The following SULF2 variants were observed in gnomAD, a reference collection of about 807,000 sequenced individuals.
SULF2 encodes the protein sulfatase 2.
SULF2 carries 52 observed loss-of-function variants against 107.7 expected under a neutral mutation model. The observed-to-expected ratio is 0.48, with a 90% CI of 0.39 to 0.61. The LOEUF (loss-of-function observed/expected upper bound fraction) is 0.61, where lower values mean the gene tolerates loss of function less well. SULF2 is among the 20% of genes least tolerant of loss of function. SULF2 has a pLI of 0.00. For missense variants in SULF2, 993 were observed against 1,177.3 expected (o/e 0.84, Z 2.29); for synonymous variants, 460 against 464.3 (o/e 0.99, Z 0.12).
chr20:47,737,895 C>T (rs1463588822), intron 2 of SULF2, among the ~76,000 whole-genome samples: 1 of 151,432 alleles, frequency 6.6e-6, no homozygotes, highest in Non-Finnish European at 1.5e-5. Flanking sequence ...CCCAAGTAGC[C>T]CCTATACGCA....
chr20:47,674,338 G>A (rs571621186), intron 10 of SULF2, among the ~76,000 whole-genome samples: 15 of 152,312 alleles, frequency 9.8e-5, no homozygotes, highest in South Asian at 2.1e-4. Flanking sequence ...CGAAGGTCCC[G>A]CAGCCCAACT....
intron 7 of SULF2, among the ~76,000 whole-genome samples, chr20:47,681,148 G>C (rs1290386287): frequency 6.6e-6 from 1 of 152,228 alleles, no homozygotes; most frequent in Admixed American, 6.5e-5. Flanking sequence ...CGGCGGAAGT[G>C]GGACTGAGAG....
chr20:47,693,635 T>C (rs779663732), intron 4 of SULF2, among the ~76,000 whole-genome samples: 7 of 152,208 alleles, frequency 4.6e-5, no homozygotes, highest in Non-Finnish European at 8.8e-5. Flanking sequence ...TGATATGATA[T>C]CATTTATAAA....
chr20:47,732,084 A>C (rs2089626891), intron 3 of SULF2, among the ~76,000 whole-genome samples: 1 of 152,140 alleles, frequency 6.6e-6, no homozygotes. Context: ...AAAATTGAGA[A>C]GGGATCTCAC....
At chr20:47,684,376 GC>G in intron 6 of SULF2, 54 bp downstream of exon 6, 1 of 1,536,156 alleles carries the variant, frequency 6.5e-7, no homozygotes, top group Non-Finnish European at 8.7e-7. Flanking sequence ...CTCGGCCCTG[GC>G]CTGGCTGGGG....
At chr20:47,675,302 T>A (rs186683268) in intron 10 of SULF2, among the ~76,000 whole-genome samples, 112 of 152,122 alleles carry the variant, frequency 7.4e-4, no homozygotes, top group African/African-American at 2.6e-3. Flanking sequence ...GGAGCTTCTG[T>A]TGAGCATGTT....
chr20:47,698,892 G>A (rs560301152), intron 4 of SULF2, among the ~76,000 whole-genome samples: 3 of 152,208 alleles, frequency 2.0e-5, no homozygotes, highest in South Asian at 2.1e-4. Context: ...TTAGCTGGGC[G>A]TGGTGGTGCA....
Position 47,683,143 on chromosome 20 carries a change from G to T in SULF2, c.915C>A (p.Gly305=), listed in dbSNP as rs371018955. The change falls in exon 7 of 21, where the codon GGC becomes GGA. Residue 305 remains glycine, a synonymous_variant. Coordinates refer to ENST00000688720, the MANE Select transcript of SULF2 (RefSeq NM_001387048.1). ...ETIYNMLVET[G]ELDNTYIVYT... is the part of the protein sequence containing the mutation. ...ATACGATGTACGTGTTGTCCAGCTC[G>T]CCCGTCTCAACCAGCATGTTGTAAA... 1.2e-6 allele frequency: 2 copies of T among 1,607,628 alleles called. No individual in the cohort carries two copies. The highest frequency in any genetic ancestry group is 1.7e-6 in the Non-Finnish European group (2 of 1,175,378).
rs765222939 is a variant in SULF2, at chr20:47,684,562, C to T, written c.757G>A (p.Ala253Thr). The T allele has an allele frequency of 5.0e-6, 8 of 1,613,906 alleles. No individual in the cohort carries two copies. Among genetic ancestry groups the T allele is most frequent in the South Asian group, 2.2e-5 (2 of 91,066 alleles). ...ATCCAGTGTTTGTCCGGGTTGGGCG[C>T]GTAGTTGTAGCTCGGCGTGCTGGTG... ...SQHITPSYNY[A>T]PNPDKHWIMR... The change falls in exon 6 of 21, where the codon GCG (alanine) becomes ACG (threonine). Residue 253 changes from alanine (A) to threonine (T), a missense_variant. Around this residue, in one of 3 missense-constraint regions of SULF2, gnomAD observed 388 missense variants for 449.2 expected, o/e 0.86. Coordinates refer to ENST00000688720, the MANE Select transcript of SULF2 (RefSeq NM_001387048.1).
intron 4 of SULF2, among the ~76,000 whole-genome samples, chr20:47,692,085 A>G (rs765372416): frequency 2.6e-5 from 4 of 152,190 alleles, no homozygotes; most frequent in Admixed American, 6.5e-5. Context: ...TGAATTTAGT[A>G]AATATTTAGC....
At position 47,691,890 on chromosome 20, in the gene SULF2, A is replaced by AT. The variant is rs201918687; in HGVS notation, c.568-1596dup. Reference sequence around the variant, plus strand: ...AGTTGAGGTTTGCCTATACTCTTTAATTTTTTTTTGGTCATGGAGCAAAAA... The same window carrying AT: ...AGTTGAGGTTTGCCTATACTCTTTAATTTTTTTTTTGGTCATGGAGCAAAAA... On this transcript the variant is annotated intron_variant, in intron 4 of 20. Coordinates refer to ENST00000688720, the MANE Select transcript of SULF2 (RefSeq NM_001387048.1). Among the ~76,000 whole-genome samples the AT allele has an allele frequency of 4.3e-3, 656 of 151,594 alleles. 4 individuals are homozygous for AT. The highest frequency in any genetic ancestry group is 0.015 in the African/African-American group (608 of 41,332).
chr20:47,708,260 A>G (rs918959485), intron 3 of SULF2, among the ~76,000 whole-genome samples: 2 of 152,224 alleles, frequency 1.3e-5, no homozygotes. Flanking sequence ...GCTGAAGAGC[A>G]AGAGTCAGAG....
At chr20:47,781,016 T>C (rs932353571) in intron 1 of SULF2, among the ~76,000 whole-genome samples, 2 of 152,226 alleles carry the variant, frequency 1.3e-5, no homozygotes, top group African/African-American at 4.8e-5. Flanking sequence ...AGAAGTTTGA[T>C]TCAACAGGAT....
At chr20:47,724,516 A>C (rs1218617841) in intron 3 of SULF2, among the ~76,000 whole-genome samples, 1 of 152,186 alleles carries the variant, frequency 6.6e-6, no homozygotes, top group African/African-American at 2.4e-5. Flanking sequence ...GGCTCCAGCC[A>C]TCCGCTCCCT....
intron 1 of SULF2, among the ~76,000 whole-genome samples, chr20:47,771,492 G>A (rs1049927946): frequency 7.9e-5 from 12 of 152,170 alleles, no homozygotes; most frequent in African/African-American, 2.7e-4. Context: ...AAACCCCACA[G>A]AAGAATAAGA....
chr20:47,756,657 T>C (rs1368047575), intron 2 of SULF2, among the ~76,000 whole-genome samples: 1 of 151,184 alleles, frequency 6.6e-6, no homozygotes, highest in Non-Finnish European at 1.5e-5. Context: ...CTTTTTTTTT[T>C]TTTTTTGAGA....
intron 2 of SULF2, among the ~76,000 whole-genome samples, chr20:47,737,768 T>TTG (rs2089778718): frequency 7.3e-6 from 1 of 137,454 alleles, no homozygotes; most frequent in Non-Finnish European, 1.6e-5. Flanking sequence ...TTTTTTTTTT[T>TTG]TTTTTTTTTT....
At chr20:47,781,100 G>GC (rs1568937579) in intron 1 of SULF2, among the ~76,000 whole-genome samples, 1 of 152,182 alleles carries the variant, frequency 6.6e-6, no homozygotes, top group Admixed American at 6.5e-5. Flanking sequence ...ACTGCCCCTG[G>GC]CCCCCCGAAA....
chr20:47,785,880 C>T (rs1411974942), upstream of SULF2: 1 of 152,914 alleles, frequency 6.5e-6, no homozygotes, highest in Non-Finnish European at 1.5e-5. Flanking sequence ...CCTGCCTGTC[C>T]CCGGCGCACG....
Sources: gnomAD v4.1 joint callset for allele counts (sites outside exome capture counted in the v4.1 genomes callset) on GRCh38, gnomAD v4.1.1 for gene constraint, gnomAD v4.1.1 regional missense constraint, MANE v1.5 for transcripts, NCBI Gene and HGNC (gene_info 2026-07-23, HGNC 2026-07-21) for gene names.